Variants in NOMO3 observed in about 807,000 individuals in gnomAD.
NOMO3 encodes the protein NODAL modulator 3.
A neutral mutation model predicts 69.9 loss-of-function variants in NOMO3; 15 were observed. The ratio of observed to expected loss-of-function variants is 0.21; its 90% CI spans 0.14 to 0.33. NOMO3 has a LOEUF of 0.33. NOMO3 is among the 10% of genes least tolerant of loss of function. The pLI is 1.00. For missense variants in NOMO3, 218 were observed against 761.0 expected, an observed-to-expected ratio of 0.29 and a Z score of 8.39; for synonymous variants, 89 against 301.9, an observed-to-expected ratio of 0.29 and a Z score of 7.31.
intron 5 of NOMO3, among the ~76,000 whole-genome samples, chr16:16,245,531 AT>A (rs1567561019): frequency 7.1e-6 from 1 of 141,112 alleles, no homozygotes; most frequent in Non-Finnish European, 1.5e-5. Flanking sequence ...TCCACAAATA[AT>A]TTAAAAAATT....
At chr16:16,261,338 C>T in intron 11 of NOMO3, 164 bp from the exon 12 acceptor site, 1 of 1,213,268 alleles carries the variant, frequency 8.2e-7, no homozygotes, top group Non-Finnish European at 1.1e-6. Flanking sequence ...ATGAAGGTTG[C>T]TTTTTAAAAC....
intron 9 of NOMO3, 76 bp downstream of exon 9, chr16:16,252,598 TA>T (rs968368862): frequency 2.2e-4 from 99 of 449,958 alleles, no homozygotes; most frequent in East Asian, 2.6e-4. Context: ...AAACATGTTT[TA>T]AAAAAAAATC....
chr16:16,238,677 C>G (rs1418887136), intron 2 of NOMO3, among the ~76,000 whole-genome samples: 3 of 142,692 alleles, frequency 2.1e-5, no homozygotes, highest in Non-Finnish European at 4.5e-5. Context: ...TATTCTTGAA[C>G]TTAACTCTTC....
intron 14 of NOMO3, among the ~76,000 whole-genome samples, chr16:16,264,714 A>G (rs1175907067): frequency 7.2e-6 from 1 of 139,288 alleles, no homozygotes; most frequent in African/African-American, 2.9e-5. Context: ...TGCCTGGATA[A>G]CTTTTGTATT....
intron 16 of NOMO3, among the ~76,000 whole-genome samples, chr16:16,268,980 C>CG (rs2049641273): frequency 7.2e-6 from 1 of 138,398 alleles, no homozygotes; most frequent in South Asian, 2.3e-4. Context: ...ATGTGCTACC[C>CG]GAGGCTGAGC....
At position 16,274,016 on chromosome 16, in the gene NOMO3, C is replaced by A; in HGVS notation, c.2297C>A (p.Thr766Lys). 1.4e-6 allele frequency: 2 copies of A among 1,471,664 alleles called. 1 individual carries two copies. Among genetic ancestry groups the A allele is most frequent in the Non-Finnish European group, 1.8e-6 (2 of 1,098,894 alleles). The allele number at this position is 1,471,664 out of a possible 1,614,324, so 91.2% of individuals were successfully genotyped here. A position where few individuals can be genotyped will look rare whatever the true frequency, so the allele number is the denominator to read the frequency against. ...AGGTCTGGAGAGAAAATCACTGTTA[C>A]ACCGTCATCTAAAGAGCTGCTCTTT... ...WARSGEKITV[T>K]PSSKELLFYP... Residue 766 changes from threonine (T) to lysine (K), a missense_variant, in exon 20 of 31, where the codon ACA (threonine) becomes AAA (lysine). Thr to Lys is a moderately conservative substitution (Grantham distance 78). Coordinates refer to ENST00000399336, the MANE Select transcript of NOMO3 (RefSeq NM_001004067.4).
At chr16:16,272,608 C>CG in intron 18 of NOMO3, among the ~76,000 whole-genome samples, 1 of 108,688 alleles carries the variant, frequency 9.2e-6, no homozygotes, top group Non-Finnish European at 1.9e-5. Context: ...GGTCTGACCC[C>CG]CTCCGGGATC....
chr16:16,269,242 A>G (rs2049643262), intron 16 of NOMO3, among the ~76,000 whole-genome samples: 1 of 141,022 alleles, frequency 7.1e-6, no homozygotes, highest in South Asian at 2.3e-4. Context: ...TGCATGTGCC[A>G]CAATTGATAT....
chr16:16,245,606 G>A (rs139240123), intron 5 of NOMO3, among the ~76,000 whole-genome samples: 2,310 of 134,526 alleles, frequency 0.017, 144 homozygotes, highest in Non-Finnish European at 0.025. Context: ...TTCTGTGGTT[G>A]CAGCTACTCG....
chr16:16,265,670 ATTTT>A (rs59243746), intron 15 of NOMO3, among the ~76,000 whole-genome samples: 9 of 16,668 alleles, frequency 5.4e-4, no homozygotes, highest in African/African-American at 2.2e-3. Context: ...ATATATATAT[ATTTT>A]TTTTTTTTTT....
intron 11 of NOMO3, among the ~76,000 whole-genome samples, chr16:16,258,836 G>C (rs1458610442): frequency 3.5e-5 from 5 of 141,968 alleles, no homozygotes; most frequent in African/African-American, 1.5e-4. Context: ...TTGCACTCCA[G>C]CCTGGGCGAC....
chr16:16,254,927 C>CT (rs1314916269), intron 9 of NOMO3, among the ~76,000 whole-genome samples: 8 of 142,258 alleles, frequency 5.6e-5, no homozygotes, highest in Admixed American at 2.7e-4. Flanking sequence ...AGGTGGATTT[C>CT]TTTTTTTTTC....
At chr16:16,241,264 A>T (rs2049371737) in intron 3 of NOMO3, among the ~76,000 whole-genome samples, 1 of 143,530 alleles carries the variant, frequency 7.0e-6, no homozygotes, top group African/African-American at 2.8e-5. Context: ...AAATGCTATC[A>T]TGCAGGGAAC....
intron 1 of NOMO3, chr16:16,235,702 T>A (rs2049320429): frequency 1.5e-5 from 5 of 328,326 alleles, no homozygotes; most frequent in South Asian, 1.2e-4. Context: ...CTAGTAGGGA[T>A]GAGGTGTGGC....
chr16:16,268,223 C>T lies in NOMO3; in HGVS notation c.1894+1092C>T, dbSNP rs116305291. On this transcript the variant is annotated intron_variant, in intron 16 of 30. Transcript: ENST00000399336. ...ACATTCTTATACAAGTCTTTGTGTC[C>T]GTATGTTTTCGTTTTTCTTGTTTCG... Among the ~76,000 whole-genome samples the T allele has an allele frequency of 4.6e-3, 664 of 144,568 alleles. 132 individuals carry two copies. The highest frequency in any genetic ancestry group is 0.017 in the African/African-American group (594 of 35,558). The allele number at this position is 144,568 out of a possible 152,430, so 94.8% of individuals were successfully genotyped here.
chr16:16,232,700 CCCGCGGTGGTCACCG>C lies in NOMO3; in HGVS notation c.45_59del (p.Thr16_Val20del). 9.8e-6 allele frequency: 8 copies of C among 818,382 alleles called. No individual in the cohort carries two copies. Among genetic ancestry groups the C allele is most frequent in the Admixed American group, 9.7e-5 (2 of 20,638 alleles). 50.7% of individuals were successfully genotyped at this position (818,382 alleles called of 1,614,324 possible). ...GGGCCAGGGCGCGGGGCCGCTGGGG[CCCGCGGTGGTCACCG>C]CCGCGGTGGTGCTGCTGCTGAGCGG... On this transcript the variant is annotated inframe_deletion, in exon 1 of 31. Transcript: ENST00000399336.
At chr16:16,268,981 G>A (rs1262738591) in intron 16 of NOMO3, among the ~76,000 whole-genome samples, 3 of 138,586 alleles carry the variant, frequency 2.2e-5, no homozygotes, top group African/African-American at 3.1e-5. Flanking sequence ...TGTGCTACCC[G>A]AGGCTGAGCA....
intron 11 of NOMO3, 64 bp from the exon 12 acceptor site, chr16:16,261,438 C>T (rs1370504755): frequency 3.2e-6 from 5 of 1,550,606 alleles, no homozygotes; most frequent in South Asian, 2.3e-5. Flanking sequence ...CTTTTTTGGT[C>T]GATAAGAGCC....
chr16:16,243,328 A>G, intron 4 of NOMO3, 67 bp downstream of exon 4: 1 of 574,748 alleles, frequency 1.7e-6, no homozygotes, highest in Non-Finnish European at 3.1e-6. Flanking sequence ...CTTTTTTAAA[A>G]AAATGCAGGA....
Sources: allele counts gnomAD v4.1 joint callset (sites outside exome capture counted in the v4.1 genomes callset), GRCh38; gene constraint gnomAD v4.1.1; transcripts MANE v1.5; gene names NCBI Gene and HGNC (gene_info 2026-07-23, HGNC 2026-07-21).